LRRC4C: variants seen among roughly 807,000 people sequenced by gnomAD.
LRRC4C encodes leucine-rich repeat-containing protein 4C.
Under a neutral mutation model 33.6 loss-of-function variants are expected in LRRC4C, and 5 were observed. The observed-to-expected ratio is 0.15, with a 90% confidence interval of 0.08 to 0.31. The LOEUF (loss-of-function observed/expected upper bound fraction) is 0.31. LRRC4C is among the 10% of genes least tolerant of loss of function. The probability of loss-of-function intolerance (pLI) is 1.00; values close to 1 mark genes in which losing one functional copy is unlikely to be tolerated. For synonymous variants in LRRC4C, 329 were observed against 302.0 expected, an observed-to-expected ratio of 1.09 and a Z score of -0.93; for missense variants, 560 against 796.7, an observed-to-expected ratio of 0.70 and a Z score of 3.58.
At chr11:41,236,631 T>C (rs944460114) in intron 1 of LRRC4C, among the ~76,000 whole-genome samples, 25 of 152,154 alleles carry the variant, frequency 1.6e-4, no homozygotes, top group African/African-American at 5.8e-4. Context: ...GATATCTTGA[T>C]TGGTGAATTT....
chr11:40,839,355 T>A (rs1591847097), intron 2 of LRRC4C, among the ~76,000 whole-genome samples: 1 of 152,214 alleles, frequency 6.6e-6, no homozygotes, highest in East Asian at 1.9e-4. Flanking sequence ...CAAGCAATTC[T>A]CCCGCCTCAG....
intron 3 of LRRC4C, among the ~76,000 whole-genome samples, chr11:40,587,033 G>A (rs1416411163): frequency 1.3e-5 from 2 of 151,684 alleles, no homozygotes; most frequent in African/African-American, 4.8e-5. Context: ...TAGCTTGATG[G>A]GGATGGCACT....
chr11:41,023,158 CTT>C, intron 1 of LRRC4C, among the ~76,000 whole-genome samples: 1 of 151,778 alleles, frequency 6.6e-6, no homozygotes, highest in East Asian at 1.9e-4. Context: ...CTGGCCCTGT[CTT>C]TTACTGGTTC....
chr11:40,604,211 T>G (rs760624875), intron 3 of LRRC4C, among the ~76,000 whole-genome samples: 3 of 152,210 alleles, frequency 2.0e-5, no homozygotes, highest in Non-Finnish European at 2.9e-5. Flanking sequence ...TGCCTAAAAC[T>G]TTTTCACTAA....
intron 3 of LRRC4C, among the ~76,000 whole-genome samples, chr11:40,541,128 A>G (rs1243436276): frequency 6.6e-6 from 1 of 152,208 alleles, no homozygotes; most frequent in African/African-American, 2.4e-5. Flanking sequence ...ATGTTACAGA[A>G]TGGCAGAAAT....
At chr11:40,681,017 A>G (rs1321710410) in intron 2 of LRRC4C, among the ~76,000 whole-genome samples, 3 of 152,298 alleles carry the variant, frequency 2.0e-5, no homozygotes, top group East Asian at 3.9e-4. Context: ...CAGGTGTAAT[A>G]CAATCAGATA....
At chr11:40,488,692 T>C (rs1186096872) in intron 3 of LRRC4C, among the ~76,000 whole-genome samples, 4 of 152,026 alleles carry the variant, frequency 2.6e-5, no homozygotes, top group African/African-American at 9.7e-5. Context: ...ATCCTAAATG[T>C]ATTCCTACGA....
chr11:41,264,248 C>T (rs1250366376), intron 1 of LRRC4C, among the ~76,000 whole-genome samples: 1 of 151,936 alleles, frequency 6.6e-6, no homozygotes, highest in African/African-American at 2.4e-5. Context: ...CACACCACCA[C>T]GTCCAGCTAA....
chr11:40,907,105 CT>C (rs1396016567), intron 2 of LRRC4C, among the ~76,000 whole-genome samples: 2 of 152,204 alleles, frequency 1.3e-5, no homozygotes, highest in Non-Finnish European at 2.9e-5. Flanking sequence ...TACTTCTACC[CT>C]ACTAGCTTAG....
In LRRC4C at chr11:40,862,608, G is replaced by A. The variant is rs570185495; in HGVS notation, c.-407+71027C>T. Among the ~76,000 whole-genome samples the A allele has an allele frequency of 1.5e-4, 23 of 152,168 alleles. No individual in the cohort carries two copies. The South Asian group carries it at 1.7e-3, about 11-fold the overall frequency. On this transcript the variant is annotated intron_variant, in intron 2 of 6. Transcript: ENST00000528697. Reference sequence around the variant, plus strand: ...GATAGAAACACAAAGTGTTTCTTCCGGCTGGAAGCAATTTCTCAGCAATGT... The same window carrying A: ...GATAGAAACACAAAGTGTTTCTTCCAGCTGGAAGCAATTTCTCAGCAATGT...
At chr11:40,641,291 G>A (rs2136088726) in intron 3 of LRRC4C, among the ~76,000 whole-genome samples, 1 of 152,208 alleles carries the variant, frequency 6.6e-6, no homozygotes, top group South Asian at 2.1e-4. Flanking sequence ...AAAATGAAGT[G>A]TACAAGAATA....
intron 1 of LRRC4C, among the ~76,000 whole-genome samples, chr11:41,011,477 C>T (rs925426365): frequency 2.0e-5 from 3 of 152,038 alleles, no homozygotes; most frequent in Admixed American, 6.6e-5. Context: ...AACTTTTATT[C>T]TACTTTATTT....
intron 2 of LRRC4C, among the ~76,000 whole-genome samples, chr11:40,833,899 T>C (rs1414166319): frequency 6.6e-6 from 1 of 152,174 alleles, no homozygotes; most frequent in African/African-American, 2.4e-5. Context: ...CAAATCGTTG[T>C]ATTTCTGTCA....
chr11:40,417,903 G>C (rs1333541596), intron 3 of LRRC4C, among the ~76,000 whole-genome samples: 1 of 152,174 alleles, frequency 6.6e-6, no homozygotes, highest in Non-Finnish European at 1.5e-5. Context: ...TGAATCACGA[G>C]TCTGGTATCA....
At chr11:41,297,120 T>G (rs912215055) in intron 1 of LRRC4C, among the ~76,000 whole-genome samples, 2 of 152,228 alleles carry the variant, frequency 1.3e-5, no homozygotes, top group African/African-American at 4.8e-5. Context: ...AAATGTTTCT[T>G]TCTCTGTCAA....
intron 3 of LRRC4C, among the ~76,000 whole-genome samples, chr11:40,607,747 T>A (rs1386068868): frequency 6.6e-6 from 1 of 152,126 alleles, no homozygotes. Flanking sequence ...TCTCTCCTTG[T>A]GATGAGGCAG....
chr11:41,290,412 G>T (rs1949957894), intron 1 of LRRC4C, among the ~76,000 whole-genome samples: 1 of 152,120 alleles, frequency 6.6e-6, no homozygotes, highest in Non-Finnish European at 1.5e-5. Flanking sequence ...GCAGTGAATA[G>T]GCTACAAATA....
intron 1 of LRRC4C, among the ~76,000 whole-genome samples, chr11:41,037,780 T>A (rs563247291): frequency 6.6e-6 from 1 of 152,214 alleles, no homozygotes; most frequent in South Asian, 2.1e-4. Context: ...GAATTCGGAG[T>A]ACTTAATTTA....
chr11:40,488,361 G>T (rs912371179), intron 3 of LRRC4C, among the ~76,000 whole-genome samples: 1 of 152,012 alleles, frequency 6.6e-6, no homozygotes, highest in East Asian at 1.9e-4. Context: ...ATAGAGCAGA[G>T]TCCACTGAAT....
Sources: allele counts gnomAD v4.1 joint callset (sites outside exome capture counted in the v4.1 genomes callset), GRCh38; gene constraint gnomAD v4.1.1; transcripts MANE v1.5; gene names NCBI Gene and HGNC (gene_info 2026-07-23, HGNC 2026-07-21).